The following MBNL1 variants were observed in gnomAD, a reference collection of about 807,000 sequenced individuals.
The protein encoded by MBNL1 is muscleblind-like protein 1.
A neutral mutation model predicts 42.2 loss-of-function variants in MBNL1; 8 were observed. The observed-to-expected ratio is 0.19, with a 90% confidence interval of 0.11 to 0.34. MBNL1 has a LOEUF of 0.34. MBNL1 is among the 10% of genes least tolerant of loss of function. The pLI, the probability that MBNL1 is intolerant of heterozygous loss-of-function variation, is 1.00. For missense variants in MBNL1, 309 were observed against 495.3 expected (o/e 0.62, Z 3.57); for synonymous variants, 169 against 173.9 (o/e 0.97, Z 0.22).
chr3:152,423,515 C>T (rs907320566), intron 3 of MBNL1, among the ~76,000 whole-genome samples: 2 of 152,186 alleles, frequency 1.3e-5, no homozygotes, highest in African/African-American at 4.8e-5. Context: ...CAAAGAGGAG[C>T]TGGTACCATT....
chr3:152,443,848 CA>C (rs1305454106), intron 4 of MBNL1, among the ~76,000 whole-genome samples: 1 of 152,054 alleles, frequency 6.6e-6, no homozygotes, highest in Admixed American at 6.5e-5. Flanking sequence ...ATTTGGAACA[CA>C]AAACTTTAGC....
chr3:152,299,556 T>A lies in MBNL1; in HGVS notation c.-638T>A, dbSNP rs927557494. On this transcript the variant is annotated 5_prime_UTR_variant, in exon 2 of 10. Transcript: ENST00000324210. ...GCCCAGACACCCCCATTTCTACTTA[T>A]AATCAAGAGAAAAGCTCTAAGTATC... The A allele has an allele frequency of 2.5e-6, 1 of 394,966 alleles. No individual in the cohort carries two copies. The highest frequency in any genetic ancestry group is 2.1e-5 in the African/African-American group (1 of 48,510). 24.5% of individuals were successfully genotyped at this position (394,966 alleles called of 1,614,324 possible).
chr3:152,243,976 T>C (rs1452175148), exon 1 of MBNL1: 4 of 152,176 alleles, frequency 2.6e-5, no homozygotes, highest in Non-Finnish European at 5.9e-5. Context: ...GGCTAACTTT[T>C]GTATTTTTAG....
intron 2 of MBNL1, among the ~76,000 whole-genome samples, chr3:152,249,084 G>T (rs984214995): frequency 1.4e-5 from 2 of 148,026 alleles, no homozygotes; most frequent in African/African-American, 5.0e-5. Context: ...ACATACGTGT[G>T]CATGTGTCTT....
intron 1 of MBNL1, among the ~76,000 whole-genome samples, chr3:152,283,474 C>G (rs2049751395): frequency 6.6e-6 from 1 of 152,144 alleles, no homozygotes; most frequent in Non-Finnish European, 1.5e-5. Context: ...TATCTCTCAG[C>G]TTCCTGGCAA....
intron 2 of MBNL1, among the ~76,000 whole-genome samples, chr3:152,331,800 T>A (rs2084795033): frequency 6.6e-6 from 1 of 152,054 alleles, no homozygotes; most frequent in South Asian, 2.1e-4. Context: ...AAGCGATTCT[T>A]CAGTCTCAGC....
At chr3:152,318,724 G>A (rs571668000) in intron 2 of MBNL1, among the ~76,000 whole-genome samples, 1 of 152,188 alleles carries the variant, frequency 6.6e-6, no homozygotes, top group East Asian at 1.9e-4. Context: ...TTACTACATA[G>A]ATCTTTGAAA....
At position 152,463,876 on chromosome 3, in the gene MBNL1, GT is replaced by G. The variant is rs1247595185; in HGVS notation, c.*1512del. 10 of 152,478 alleles carry G rather than the reference GT, an allele frequency of 6.6e-5. No individual in the cohort carries two copies. The highest frequency in any genetic ancestry group is 6.6e-4 in the Admixed American group (10 of 15,258). 9.4% of individuals were successfully genotyped at this position (152,478 alleles called of 1,614,324 possible). Reference sequence around the variant, plus strand: ...ATGGAATGGGAGAAGTGAAAGTTCAGTTATAGAACTTTCCATACTTCCAAGT... The same window carrying G: ...ATGGAATGGGAGAAGTGAAAGTTCAGTATAGAACTTTCCATACTTCCAAGT... On this transcript the variant is annotated 3_prime_UTR_variant, in exon 10 of 10. Coordinates refer to ENST00000324210, the MANE Select transcript of MBNL1 (RefSeq NM_021038.5).
intron 2 of MBNL1, among the ~76,000 whole-genome samples, chr3:152,254,589 C>G (rs1457712024): frequency 6.6e-6 from 1 of 151,930 alleles, no homozygotes; most frequent in African/African-American, 2.4e-5. Context: ...TATTTTTGAT[C>G]TTGAAATGGA....
intron 1 of MBNL1, among the ~76,000 whole-genome samples, chr3:152,272,317 T>C (rs567528438): frequency 6.6e-6 from 1 of 152,224 alleles, no homozygotes; most frequent in East Asian, 1.9e-4. Flanking sequence ...TGCTATTTAG[T>C]TTAGAGATTT....
intron 2 of MBNL1, among the ~76,000 whole-genome samples, chr3:152,414,641 G>A (rs1317401702): frequency 6.6e-6 from 1 of 152,084 alleles, no homozygotes; most frequent in Non-Finnish European, 1.5e-5. Flanking sequence ...CTATGTTTTA[G>A]TATTACCCTA....
At chr3:152,342,897 CTT>C (rs1358492194) in intron 2 of MBNL1, among the ~76,000 whole-genome samples, 11 of 152,026 alleles carry the variant, frequency 7.2e-5, no homozygotes, top group Non-Finnish European at 1.3e-4. Context: ...TAAATGTTGG[CTT>C]TTAGTAATTG....
At chr3:152,268,532 T>C (rs888707103), upstream of MBNL1, 1 of 349,440 alleles carries the variant, frequency 2.9e-6, no homozygotes, top group Non-Finnish European at 5.7e-6. Flanking sequence ...CTGGTGTGCC[T>C]AGCAGTCGGT....
At chr3:152,335,092 A>C (rs1273872372) in intron 2 of MBNL1, 4 of 1,279,754 alleles carry the variant, frequency 3.1e-6, no homozygotes, top group Non-Finnish European at 3.1e-6. Flanking sequence ...TGGCATATCC[A>C]TTACTCTTGG....
chr3:152,260,077 C>A (rs1292647291), intron 2 of MBNL1, among the ~76,000 whole-genome samples: 1 of 152,142 alleles, frequency 6.6e-6, no homozygotes, highest in Non-Finnish European at 1.5e-5. Context: ...CTAGGAAAGA[C>A]TGGAATTATG....
intron 2 of MBNL1, among the ~76,000 whole-genome samples, chr3:152,352,904 T>C (rs1021043741): frequency 7.2e-5 from 11 of 152,218 alleles, no homozygotes; most frequent in Admixed American, 7.2e-4. Context: ...CTAAGTTTTA[T>C]CCTTTTTAGG....
intron 2 of MBNL1, among the ~76,000 whole-genome samples, chr3:152,262,293 A>T (rs1166246728): frequency 1.3e-5 from 2 of 152,004 alleles, no homozygotes; most frequent in Admixed American, 1.3e-4. Context: ...GATATATGAA[A>T]CTCCCACCAT....
chr3:152,448,221 T>C (rs1714357322), intron 6 of MBNL1, among the ~76,000 whole-genome samples: 1 of 152,202 alleles, frequency 6.6e-6, no homozygotes, highest in African/African-American at 2.4e-5. Flanking sequence ...TGAAAACAAC[T>C]ATGCGTTCTA....
chr3:152,320,068 G>A (rs1360099234), intron 2 of MBNL1, among the ~76,000 whole-genome samples: 3 of 152,078 alleles, frequency 2.0e-5, no homozygotes, highest in Non-Finnish European at 4.4e-5. Flanking sequence ...TTAAGAATGA[G>A]AAGCTTGCAT....
Sources: gnomAD v4.1 joint callset for allele counts (sites outside exome capture counted in the v4.1 genomes callset) on GRCh38, gnomAD v4.1.1 for gene constraint, MANE v1.5 for transcripts, NCBI Gene and HGNC (gene_info 2026-07-23, HGNC 2026-07-21) for gene names.